The following NLRP4 variants were observed in gnomAD, a reference collection of about 807,000 sequenced individuals.
The protein encoded by NLRP4 is NACHT, LRR and PYD domains-containing protein 4.
A neutral mutation model predicts 84.7 loss-of-function variants in NLRP4; 44 were observed. That is an observed-to-expected ratio of 0.52 (90% CI 0.41 to 0.67). The LOEUF is 0.67. NLRP4 is among the 30% of genes least tolerant of loss of function. The pLI is 0.00. For missense variants in NLRP4, 1,260 were observed against 1,219.4 expected, an observed-to-expected ratio of 1.03 and a Z score of -0.50; for synonymous variants, 544 against 476.4, an observed-to-expected ratio of 1.14 and a Z score of -1.85.
chr19:55,845,495 A>C (rs1265290762), intron 1 of NLRP4, among the ~76,000 whole-genome samples: 1 of 152,016 alleles, frequency 6.6e-6, no homozygotes, highest in Non-Finnish European at 1.5e-5. Flanking sequence ...ATACGTGTGC[A>C]TGTGTCTTTA....
chr19:55,872,991 A>G (rs1368835943), intron 7 of NLRP4, among the ~76,000 whole-genome samples: 1 of 152,198 alleles, frequency 6.6e-6, no homozygotes, highest in African/African-American at 2.4e-5. Flanking sequence ...AGAGGGCAGT[A>G]CAGTGAGATA....
intron 1 of NLRP4, among the ~76,000 whole-genome samples, chr19:55,851,619 C>T (rs1253185432): frequency 9.8e-6 from 1 of 101,640 alleles, no homozygotes; most frequent in Non-Finnish European, 2.3e-5. Flanking sequence ...TCCGTGGCTG[C>T]GGTGTAATGT....
At chr19:55,848,963 T>C (rs568473217) in intron 1 of NLRP4, among the ~76,000 whole-genome samples, 83 of 152,308 alleles carry the variant, frequency 5.4e-4, no homozygotes, top group Non-Finnish European at 1.0e-3. Context: ...CCATGTAAGA[T>C]GTGCCTTTTG....
chr19:55,857,486 A>G, intron 2 of NLRP4, 188 bp from the exon 3 acceptor site: 1 of 595,724 alleles, frequency 1.7e-6, no homozygotes, highest in Non-Finnish European at 2.9e-6. Context: ...GCTCCTGTAG[A>G]CAATATACCC....
Position 55,852,052 on chromosome 19 carries a change from T to C in NLRP4, c.-29T>C. 1 of 1,555,402 alleles carries C rather than the reference T, an allele frequency of 6.4e-7. No homozygotes were observed. On this transcript the variant is annotated 5_prime_UTR_variant, in exon 2 of 10. Coordinates refer to ENST00000301295, the MANE Select transcript of NLRP4 (RefSeq NM_134444.5). ...TTATTGTTCCTGGTCACTGTCTCTT[T>C]GAGGATTGGTATCTCTGCTCCAGAA...
chr19:55,863,547 G>C (rs1168563591), intron 5 of NLRP4, among the ~76,000 whole-genome samples: 1 of 152,074 alleles, frequency 6.6e-6, no homozygotes, highest in Non-Finnish European at 1.5e-5. Flanking sequence ...ACAGCTCTAG[G>C]GGATGGTGGT....
rs757392176 is a variant in NLRP4 at position 55,879,003 on chromosome 19, C to T, written c.2867+39C>T. ...TGTTGTGCTCTATGGGCAGAGTGCT[C>T]CGGGCTAAGAAGGGATTGGCTGGGA... On this transcript the variant is annotated intron_variant, in intron 9 of 9. Coordinates refer to ENST00000301295, the MANE Select transcript of NLRP4 (RefSeq NM_134444.5). 7.8e-6 allele frequency: 12 copies of T among 1,535,886 alleles called. No homozygotes were observed. In the South Asian group the frequency reaches 1.4e-4, roughly 18 times the overall value.
At chr19:55,855,267 T>C (rs1323267970) in intron 2 of NLRP4, among the ~76,000 whole-genome samples, 1 of 152,206 alleles carries the variant, frequency 6.6e-6, no homozygotes, top group African/African-American at 2.4e-5. Context: ...TTTTAGAATA[T>C]TGCTAAAATA....
At chr19:55,876,139 G>T (rs558300028) in intron 7 of NLRP4, among the ~76,000 whole-genome samples, 1 of 152,294 alleles carries the variant, frequency 6.6e-6, no homozygotes, top group South Asian at 2.1e-4. Context: ...ACAGACCAGA[G>T]ACACAGAATA....
At position 55,849,851 on chromosome 19, in the gene NLRP4, AG is replaced by A. The variant is rs1983955676; in HGVS notation, c.-65-2164del. Among the ~76,000 whole-genome samples the A allele has an allele frequency of 1.7e-4, 13 of 74,306 alleles. 1 individual carries two copies. The highest frequency in any genetic ancestry group is 1.2e-3 in the African/African-American group (11 of 9,034). The allele number at this position is 74,306 out of a possible 152,430, so 48.7% of individuals were successfully genotyped here. On this transcript the variant is annotated intron_variant, in intron 1 of 9. Transcript: ENST00000301295. ...TTCCGAAGCTGCGGTGTAATTTCCGAGACTGCGGTGTAATTTCCGTGGCCGC... is the reference window on the plus strand; with the variant it reads ...TTCCGAAGCTGCGGTGTAATTTCCGAACTGCGGTGTAATTTCCGTGGCCGC...
intron 7 of NLRP4, 84 bp from the exon 8 acceptor site, chr19:55,876,912 G>A: frequency 8.9e-7 from 1 of 1,124,366 alleles, no homozygotes; most frequent in South Asian, 1.6e-5. Flanking sequence ...GAATGACAAA[G>A]GCTGTCGTGC....
rs771919099 is a variant in NLRP4 at position 55,879,013 on chromosome 19, A to T, written c.2867+49A>T. 4 of 1,460,778 alleles carry T rather than the reference A, an allele frequency of 2.7e-6. No homozygotes were observed. The Admixed American group carries it at 7.5e-5, about 27-fold the overall frequency. The allele number at this position is 1,460,778 out of a possible 1,614,324, so 90.5% of individuals were successfully genotyped here. ...TATGGGCAGAGTGCTCCGGGCTAAGAAGGGATTGGCTGGGACCTGCAGTGT... is the reference window on the plus strand; with the variant it reads ...TATGGGCAGAGTGCTCCGGGCTAAGTAGGGATTGGCTGGGACCTGCAGTGT... On this transcript the variant is annotated intron_variant, in intron 9 of 9. Coordinates refer to ENST00000301295, the MANE Select transcript of NLRP4 (RefSeq NM_134444.5).
chr19:55,871,384 A>T (rs753946369), intron 7 of NLRP4, among the ~76,000 whole-genome samples: 11 of 152,190 alleles, frequency 7.2e-5, no homozygotes, highest in Non-Finnish European at 1.3e-4. Flanking sequence ...TGAAGGTGGG[A>T]GATCCAAAAA....
Position 55,858,750 on chromosome 19 carries a change from G to A in NLRP4, c.1357G>A (p.Val453Met), listed in dbSNP as rs140761924. Residue 453 changes from valine (V) to methionine (M), a missense_variant, in exon 3 of 10, where the codon GTG becomes ATG. Val to Met is a conservative substitution (Grantham distance 21). Coordinates refer to ENST00000301295, the MANE Select transcript of NLRP4 (RefSeq NM_134444.5). This position sits in a 1 kb window ranked among gnomAD's most constrained non-coding sequence, Gnocchi z 4.2. Reference protein sequence around the residue: ...ERESSYVFLHVCIQEFCAALF... With the variant: ...ERESSYVFLHMCIQEFCAALF... Reference sequence around the variant, plus strand: ...TGAGAGCTCCTACGTGTTCCTCCACGTGTGTATCCAGGAGTTCTGTGCCGC... The same window carrying A: ...TGAGAGCTCCTACGTGTTCCTCCACATGTGTATCCAGGAGTTCTGTGCCGC... The A allele has an allele frequency of 7.6e-5, 122 of 1,614,012 alleles. No individual in the cohort carries two copies. Among genetic ancestry groups the A allele is most frequent in the South Asian group, 1.1e-4 (10 of 91,082 alleles).
chr19:55,869,678 C>T (rs302436), intron 6 of NLRP4, among the ~76,000 whole-genome samples: 108,489 of 152,020 alleles, frequency 0.71, 39,426 homozygotes, highest in East Asian at 0.83. Flanking sequence ...GCCAGGAAAT[C>T]TAAATATCCG....
At chr19:55,857,557 G>A in intron 2 of NLRP4, 117 bp from the exon 3 acceptor site, 1 of 860,458 alleles carries the variant, frequency 1.2e-6, no homozygotes, top group Non-Finnish European at 1.8e-6. Context: ...ACCAGGTTTG[G>A]CCTGGGGGCC....
Position 55,878,794 on chromosome 19 carries a change from G to T in NLRP4, c.2697G>T (p.Gly899=). ...CTTACCATGTGTCTTTTTATTGCAG[G>T]TTGGAAGAATGTGGGTTAACGAGCA... ...THTDCRLEIL[G]LEECGLTSTC... is the part of the protein sequence containing the mutation. Residue 899 remains glycine, a splice_region_variant and synonymous_variant, in exon 9 of 10, where the codon GGG becomes GGT. Coordinates refer to ENST00000301295, the MANE Select transcript of NLRP4 (RefSeq NM_134444.5). 1 of 1,610,496 alleles carries T rather than the reference G, an allele frequency of 6.2e-7. No individual in the cohort carries two copies. Among genetic ancestry groups the T allele is most frequent in the Non-Finnish European group, 8.5e-7 (1 of 1,177,636 alleles).
rs368832741 is a variant in NLRP4 at position 55,852,235 on chromosome 19, G to T, written c.155G>T (p.Arg52Leu). 2 of 1,609,598 alleles carry T rather than the reference G, an allele frequency of 1.2e-6. No individual in the cohort carries two copies. The highest frequency in any genetic ancestry group is 1.7e-6 in the Non-Finnish European group (2 of 1,178,766). ...IPWTEVKKAS[R>L]EELANLLIKH... ...TGGACTGAGGTCAAAAAAGCATCCC[G>T]GGAAGAACTTGCAAACCTCTTGATC... Residue 52 changes from arginine to leucine, a missense_variant, in exon 2 of 10, where the codon CGG becomes CTG. By Grantham distance (102) the Arg-to-Leu change is moderately radical. Transcript: ENST00000301295.
At chr19:55,849,213 T>C (rs1377166882) in intron 1 of NLRP4, among the ~76,000 whole-genome samples, 1 of 152,162 alleles carries the variant, frequency 6.6e-6, no homozygotes, top group African/African-American at 2.4e-5. Flanking sequence ...TTTTAGCTAT[T>C]GGAGGCTCTT....
Sources: gnomAD v4.1 joint callset for allele counts (sites outside exome capture counted in the v4.1 genomes callset) on GRCh38, gnomAD v4.1.1 for gene constraint, Gnocchi (gnomAD v3.1) non-coding constraint, MANE v1.5 for transcripts, NCBI Gene and HGNC (gene_info 2026-07-23, HGNC 2026-07-21) for gene names.